SPOCK3: variants seen among roughly 807,000 people sequenced by gnomAD.
SPOCK3 encodes testican-3.
Under a neutral mutation model 56.6 loss-of-function variants are expected in SPOCK3, and 30 were observed. That is an observed-to-expected ratio of 0.53 (90% CI 0.40 to 0.72). The LOEUF (loss-of-function observed/expected upper bound fraction) is 0.72, where lower values mean the gene tolerates loss of function less well. Among genes scored for constraint, SPOCK3 ranks in the 30% least tolerant of loss-of-function variants. The probability of loss-of-function intolerance (pLI) is 0.00; values close to 1 mark genes in which losing one functional copy is unlikely to be tolerated. For missense variants in SPOCK3, 527 were observed against 530.0 expected (o/e 0.99, Z 0.06); for synonymous variants, 196 against 183.3 (o/e 1.07, Z -0.56).
chr4:167,003,608 A>G (rs967044366), intron 3 of SPOCK3, among the ~76,000 whole-genome samples: 33 of 152,132 alleles, frequency 2.2e-4, no homozygotes, highest in African/African-American at 7.7e-4. Flanking sequence ...CTTGTTTTCC[A>G]TTTAGCGTCT....
rs138150474 is a variant in SPOCK3, at chr4:167,145,134, C to T, written c.190-82597G>A. On this transcript the variant is annotated intron_variant, in intron 2 of 10. Coordinates refer to ENST00000357545, the MANE Select transcript of SPOCK3 (RefSeq NM_001040159.2). Reference sequence around the variant, plus strand: ...CTGGATTTATTTGAAATACAGTCAACATGATTTACTGATAGATTGAATATG... The same window carrying T: ...CTGGATTTATTTGAAATACAGTCAATATGATTTACTGATAGATTGAATATG... Among the ~76,000 whole-genome samples, 1,389 of 152,032 alleles carry T rather than the reference C, an allele frequency of 9.1e-3. 12 individuals carry two copies. Among genetic ancestry groups the T allele is most frequent in the Non-Finnish European group, 0.013 (911 of 67,934 alleles).
At chr4:166,802,804 CAT>C (rs568210034) in intron 6 of SPOCK3, among the ~76,000 whole-genome samples, 91 of 152,178 alleles carry the variant, frequency 6.0e-4, no homozygotes, top group African/African-American at 1.9e-3. Context: ...CACACACATA[CAT>C]ATGTGTGTGT....
At chr4:166,847,651 A>ATATATATATATATATATG (rs1748215926) in intron 6 of SPOCK3, among the ~76,000 whole-genome samples, 1 of 78,458 alleles carries the variant, frequency 1.3e-5, no homozygotes, top group Non-Finnish European at 2.3e-5. Flanking sequence ...CCTAGTTTAT[A>ATATATATATATATATATG]TATATATATA....
chr4:167,072,039 ACT>A (rs1172073888), intron 2 of SPOCK3, among the ~76,000 whole-genome samples: 4 of 152,018 alleles, frequency 2.6e-5, no homozygotes, highest in African/African-American at 7.2e-5. Flanking sequence ...TGAATTTATT[ACT>A]CACTCACCCT....
intron 3 of SPOCK3, among the ~76,000 whole-genome samples, chr4:167,025,056 A>G (rs186552442): frequency 1.6e-3 from 236 of 152,114 alleles, no homozygotes; most frequent in Admixed American, 3.6e-3. Context: ...ATGCAGCAGG[A>G]GAGCTATATG....
At chr4:167,205,636 A>ATATATTTT (rs1734247872) in intron 2 of SPOCK3, among the ~76,000 whole-genome samples, 1 of 119,640 alleles carries the variant, frequency 8.4e-6, no homozygotes, top group Non-Finnish European at 1.7e-5. Flanking sequence ...TTTTCCTGAG[A>ATATATTTT]CGGAGTCACT....
intron 4 of SPOCK3, among the ~76,000 whole-genome samples, chr4:166,958,017 C>T (rs903599698): frequency 5.9e-5 from 9 of 152,040 alleles, no homozygotes; most frequent in Admixed American, 2.0e-4. Context: ...AGGCCAGAGG[C>T]AGAATGATAT....
At chr4:166,794,466 G>GT (rs1290914588) in intron 6 of SPOCK3, among the ~76,000 whole-genome samples, 1 of 152,036 alleles carries the variant, frequency 6.6e-6, no homozygotes, top group African/African-American at 2.4e-5. Flanking sequence ...AGAAAGTGGT[G>GT]TGAGAGAGTT....
Position 166,878,943 on chromosome 4 carries a change from A to T in SPOCK3, c.589+10187T>A, listed in dbSNP as rs1323454150. 9.2e-5 allele frequency among the ~76,000 whole-genome samples: 14 copies of T among 152,298 alleles called. No homozygotes were observed. The East Asian group carries it at 2.7e-3, about 29-fold the overall frequency. ...ATGAAATAAGACATTTAAATAATACATGCAGCTAAAGGAGTGTCCAGCATA... is the reference window on the plus strand; with the variant it reads ...ATGAAATAAGACATTTAAATAATACTTGCAGCTAAAGGAGTGTCCAGCATA... On this transcript the variant is annotated intron_variant, in intron 6 of 10. Coordinates refer to ENST00000357545, the MANE Select transcript of SPOCK3 (RefSeq NM_001040159.2).
chr4:166,735,151 G>C, intron 10 of SPOCK3, 61 bp from the exon 11 acceptor site: 1 of 945,458 alleles, frequency 1.1e-6, no homozygotes. Flanking sequence ...ATTTCTGCAA[G>C]ATAAAATCCT....
At chr4:166,805,036 T>A (rs1172513639) in intron 6 of SPOCK3, among the ~76,000 whole-genome samples, 1 of 152,164 alleles carries the variant, frequency 6.6e-6, no homozygotes, top group Admixed American at 6.6e-5. Context: ...CACCAACACT[T>A]TCTTTTTTCA....
intron 9 of SPOCK3, among the ~76,000 whole-genome samples, chr4:166,741,454 T>A (rs1460822437): frequency 2.0e-5 from 3 of 152,192 alleles, no homozygotes; most frequent in Non-Finnish European, 4.4e-5. Flanking sequence ...TGTAACAGTT[T>A]AATAATCTGT....
At chr4:166,801,007 A>T (rs1018525661) in intron 6 of SPOCK3, among the ~76,000 whole-genome samples, 4 of 152,198 alleles carry the variant, frequency 2.6e-5, no homozygotes, top group Non-Finnish European at 5.9e-5. Context: ...CAGCTTTACG[A>T]ATACTTACCA....
intron 2 of SPOCK3, among the ~76,000 whole-genome samples, chr4:167,109,999 A>G (rs1331576297): frequency 6.6e-6 from 1 of 151,996 alleles, no homozygotes; most frequent in Non-Finnish European, 1.5e-5. Flanking sequence ...ACTTGTAAAC[A>G]CACAACTCCC....
chr4:167,012,423 A>G (rs1442543539), intron 3 of SPOCK3, among the ~76,000 whole-genome samples: 1 of 151,970 alleles, frequency 6.6e-6, no homozygotes, highest in East Asian at 1.9e-4. Flanking sequence ...CACATAAGCA[A>G]ATATACCCTT....
At chr4:167,159,585 C>A (rs1007212884) in intron 2 of SPOCK3, among the ~76,000 whole-genome samples, 7 of 151,914 alleles carry the variant, frequency 4.6e-5, no homozygotes, top group African/African-American at 1.2e-4. Flanking sequence ...GAGACACAAC[C>A]AAAAAAGAGA....
rs140202235 is a variant in SPOCK3 at position 167,188,622 on chromosome 4, C to T, written c.189+45363G>A. Among the ~76,000 whole-genome samples the T allele has an allele frequency of 5.9e-3, 843 of 144,010 alleles. 132 individuals are homozygous for T. The highest frequency in any genetic ancestry group is 0.021 in the African/African-American group (784 of 37,520). 94.5% of individuals were successfully genotyped at this position (144,010 alleles called of 152,430 possible). On this transcript the variant is annotated intron_variant, in intron 2 of 10. Coordinates refer to ENST00000357545, the MANE Select transcript of SPOCK3 (RefSeq NM_001040159.2). ...GAGATAAATTTGAGCCCCAAATAAG[C>T]GAAAAAATAAATAAGAAAAGAGCAG...
intron 4 of SPOCK3, among the ~76,000 whole-genome samples, chr4:166,915,300 C>G (rs1297214153): frequency 1.3e-5 from 2 of 152,098 alleles, no homozygotes; most frequent in East Asian, 3.9e-4. Flanking sequence ...ACATTCTGCA[C>G]ATGTATCCCA....
At chr4:166,799,508 T>C (rs1742318560) in intron 6 of SPOCK3, among the ~76,000 whole-genome samples, 1 of 152,162 alleles carries the variant, frequency 6.6e-6, no homozygotes, top group African/African-American at 2.4e-5. Context: ...CATCTGTGAC[T>C]GTATCCTGGA....
Sources: gnomAD v4.1 joint callset for allele counts (sites outside exome capture counted in the v4.1 genomes callset) on GRCh38, gnomAD v4.1.1 for gene constraint, MANE v1.5 for transcripts, NCBI Gene and HGNC (gene_info 2026-07-23, HGNC 2026-07-21) for gene names.